CSMD2: variants seen among roughly 807,000 people sequenced by gnomAD.
CSMD2 encodes the protein CUB and sushi domain-containing protein 2.
In CSMD2, 130 loss-of-function variants were observed where a neutral mutation model predicts 398.5. That is an observed-to-expected ratio of 0.33 (90% CI 0.28 to 0.38). The LOEUF is 0.38. Among genes scored for constraint, CSMD2 ranks in the 10% least tolerant of loss-of-function variants. The pLI, the probability that CSMD2 is intolerant of heterozygous loss-of-function variation, is 1.00. For synonymous variants in CSMD2, 1,828 were observed against 1,908.5 expected (o/e 0.96, Z 1.10); for missense variants, 3,829 against 4,764.9 (o/e 0.80, Z 5.78).
In CSMD2 at chr1:33,627,564, C is replaced by A. The variant is rs139109773; in HGVS notation, c.5201-983G>T. Among the ~76,000 whole-genome samples, 8 of 152,278 alleles carry A rather than the reference C, an allele frequency of 5.3e-5. No homozygotes were observed. In the East Asian group the frequency reaches 1.5e-3, roughly 29 times the overall value. ...CAGTGAGGGCTAGAGTTGGGACCCA[C>A]AACGGAACTACTGGGAGGTCCACCT... On this transcript the variant is annotated intron_variant, in intron 32 of 70. Coordinates refer to ENST00000373381, the MANE Select transcript of CSMD2 (RefSeq NM_001281956.2).
chr1:33,927,484 C>T (rs1008514970), intron 4 of CSMD2, among the ~76,000 whole-genome samples: 1 of 152,182 alleles, frequency 6.6e-6, no homozygotes, highest in Non-Finnish European at 1.5e-5. Flanking sequence ...CCCCTTTAAT[C>T]TTCAAACCCT....
chr1:33,652,526 G>A, intron 27 of CSMD2, 65 bp from the exon 28 acceptor site: 2 of 1,580,138 alleles, frequency 1.3e-6, no homozygotes, highest in Non-Finnish European at 1.7e-6. Context: ...CATGGGTGTT[G>A]CTAATGCACT....
At chr1:34,137,550 T>C (rs1638876558) in intron 1 of CSMD2, among the ~76,000 whole-genome samples, 1 of 152,026 alleles carries the variant, frequency 6.6e-6, no homozygotes, top group Non-Finnish European at 1.5e-5. Context: ...TATGCTCCCT[T>C]CCCTCCTTCA....
intron 6 of CSMD2, among the ~76,000 whole-genome samples, chr1:33,829,522 G>A (rs1967733): frequency 0.79 from 119,518 of 152,114 alleles, 47,803 homozygotes; most frequent in East Asian, 0.94. Context: ...GGTATATCTG[G>A]AGGAGCCAAG....
intron 22 of CSMD2, among the ~76,000 whole-genome samples, chr1:33,706,731 C>T (rs143903768): frequency 2.6e-5 from 4 of 152,092 alleles, no homozygotes; most frequent in Admixed American, 6.5e-5. Context: ...TCAAAGAGGC[C>T]GTAGCAGGAG....
intron 3 of CSMD2, among the ~76,000 whole-genome samples, chr1:33,986,637 C>T (rs1427117514): frequency 6.6e-6 from 1 of 152,208 alleles, no homozygotes; most frequent in Non-Finnish European, 1.5e-5. Flanking sequence ...TGGCCTCTGT[C>T]TGTGCTGTAT....
rs755675468 is a variant in CSMD2, at chr1:33,724,640, C to A, written c.2760G>T (p.Gly920=). ...PGIPVNGQRH[G]NDFYVGALVT... ...CCAGCGCGCCCACGTAGAAGTCATT[C>A]CCATGACGCTGTCCATTTACTGGGA... Residue 920 remains glycine, a synonymous_variant, in exon 18 of 71, where the codon GGG becomes GGT. Transcript: ENST00000373381. 3.1e-6 allele frequency: 5 copies of A among 1,614,042 alleles called. No individual in the cohort carries two copies. Among genetic ancestry groups the A allele is most frequent in the Non-Finnish European group, 3.4e-6 (4 of 1,180,052 alleles).
chr1:33,882,135 G>A (rs1181503904), intron 5 of CSMD2: 1 of 152,148 alleles, frequency 6.6e-6, no homozygotes, highest in Non-Finnish European at 1.5e-5. Flanking sequence ...TTCCAAAAAA[G>A]TTGTGCCATT....
intron 15 of CSMD2, among the ~76,000 whole-genome samples, chr1:33,730,303 A>C (rs1646678509): frequency 6.6e-6 from 1 of 152,230 alleles, no homozygotes; most frequent in Non-Finnish European, 1.5e-5. Flanking sequence ...GGATAAACCA[A>C]AAACTAAAAG....
chr1:33,611,167 G>C lies in CSMD2; in HGVS notation c.6217C>G (p.Arg2073Gly), dbSNP rs776344613. 1 of 1,614,118 alleles carries C rather than the reference G, an allele frequency of 6.2e-7. No individual in the cohort carries two copies. Among genetic ancestry groups the C allele is most frequent in the Admixed American group, 1.7e-5 (1 of 60,024 alleles). The change falls in exon 41 of 71, where the codon CGC (arginine) becomes GGC (glycine). Residue 2073 changes from arginine to glycine, a missense_variant. Physicochemically the swap from Arg to Gly is moderately radical, Grantham distance 125. Around this residue, in one of 5 missense-constraint regions of CSMD2, gnomAD observed 2,001 missense variants for 2,567.1 expected, o/e 0.78. Transcript: ENST00000373381. ...CTTCCACTGAATCTTCCCATCATGC[G>C]GCTGGTCTCATAGGGGCCATTCCGG... ...EIRNGPYETS[R>G]MMGRFSGSEL... is the part of the protein sequence containing the mutation.
At chr1:33,849,669 C>T (rs1374817662) in intron 5 of CSMD2, among the ~76,000 whole-genome samples, 1 of 151,478 alleles carries the variant, frequency 6.6e-6, no homozygotes, top group African/African-American at 2.4e-5. Flanking sequence ...TGGCTCACGC[C>T]TGTATTCCCA....
intron 3 of CSMD2, among the ~76,000 whole-genome samples, chr1:34,022,630 G>C (rs1649066160): frequency 6.6e-6 from 1 of 152,218 alleles, no homozygotes; most frequent in Admixed American, 6.5e-5. Context: ...CAGAAGAGAA[G>C]AGTTGGGTGG....
chr1:34,159,027 A>G (rs1641064395), intron 1 of CSMD2, among the ~76,000 whole-genome samples: 1 of 152,174 alleles, frequency 6.6e-6, no homozygotes, highest in Non-Finnish European at 1.5e-5. Flanking sequence ...GGAATGCCCA[A>G]CAGGGTGGTC....
chr1:33,844,801 C>T (rs1661199168), intron 6 of CSMD2, among the ~76,000 whole-genome samples: 1 of 152,194 alleles, frequency 6.6e-6, no homozygotes, highest in Admixed American at 6.5e-5. Context: ...CTAGCAAGTC[C>T]TCTTTATACA....
chr1:33,682,172 C>A (rs913269254), intron 25 of CSMD2, among the ~76,000 whole-genome samples: 3 of 152,166 alleles, frequency 2.0e-5, no homozygotes, highest in Non-Finnish European at 4.4e-5. Context: ...ATCACTCTAA[C>A]CTCTACCTCT....
chr1:33,674,743 A>G (rs1424852325), intron 25 of CSMD2, among the ~76,000 whole-genome samples: 1 of 152,234 alleles, frequency 6.6e-6, no homozygotes, highest in Middle Eastern at 3.2e-3. Context: ...AAGAACAGAA[A>G]TTATAACAAA....
intron 5 of CSMD2, among the ~76,000 whole-genome samples, chr1:33,887,485 C>G (rs1320859848): frequency 6.6e-6 from 1 of 152,158 alleles, no homozygotes; most frequent in Non-Finnish European, 1.5e-5. Context: ...TGTTACAGAA[C>G]CACTGGGTTT....
At chr1:33,700,822 C>T (rs1425374101) in intron 22 of CSMD2, 149 bp from the exon 23 acceptor site, 3 of 730,444 alleles carry the variant, frequency 4.1e-6, no homozygotes, top group Non-Finnish European at 6.9e-6. Context: ...AGGAAGATGG[C>T]AGAGGGAAGC....
rs532250887 is a variant in CSMD2, at chr1:34,128,394, T to C, written c.187+36517A>G. ...CAAAGACTGTACCCGCAGGAAGGGA[T>C]GCTGCGCTCGGGTCTGAGGGTGTGT... is the stretch of plus-strand genomic sequence containing the variant. On this transcript the variant is annotated intron_variant, in intron 1 of 70. Coordinates refer to ENST00000373381, the MANE Select transcript of CSMD2 (RefSeq NM_001281956.2). 2.0e-4 allele frequency among the ~76,000 whole-genome samples: 31 copies of C among 152,324 alleles called. 1 individual carries two copies. The highest frequency in any genetic ancestry group is 1.9e-3 in the Admixed American group (29 of 15,306).
Sources: allele counts gnomAD v4.1 joint callset (sites outside exome capture counted in the v4.1 genomes callset), GRCh38; gene constraint gnomAD v4.1.1; regional missense constraint gnomAD v4.1.1; transcripts MANE v1.5; gene names NCBI Gene and HGNC (gene_info 2026-07-23, HGNC 2026-07-21).